RASGRF2: variants seen among roughly 807,000 people sequenced by gnomAD.
The protein encoded by RASGRF2 is ras-specific guanine nucleotide-releasing factor 2.
RASGRF2 carries 76 observed loss-of-function variants against 151.0 expected under a neutral mutation model. That is an observed-to-expected ratio of 0.50 (90% CI 0.42 to 0.61). The LOEUF is 0.61. Among genes scored for constraint, RASGRF2 ranks in the 20% least tolerant of loss-of-function variants. RASGRF2 has a pLI of 0.00. For synonymous variants in RASGRF2, 504 were observed against 566.5 expected (o/e 0.89, Z 1.57); for missense variants, 1,148 against 1,564.6 (o/e 0.73, Z 4.49).
chr5:81,007,861 A>G (rs1020770793), intron 1 of RASGRF2, among the ~76,000 whole-genome samples: 4 of 152,112 alleles, frequency 2.6e-5, no homozygotes, highest in African/African-American at 9.7e-5. Flanking sequence ...GCAGCTTCTC[A>G]TTTGGGAGGG....
rs559136539 is a variant in RASGRF2 at position 81,228,622 on chromosome 5, G to C, written c.*2852G>C. On this transcript the variant is annotated 3_prime_UTR_variant, in exon 27 of 27. Transcript: ENST00000265080. ...AAGAAAAATCCAATTTCATGCTTTC[G>C]AATGAATGCCCACATTTTGTACTGT... The C allele has an allele frequency of 6.6e-6, 1 of 152,156 alleles. No individual in the cohort carries two copies. The highest frequency in any genetic ancestry group is 2.1e-4 in the South Asian group (1 of 4,816). 9.4% of individuals were successfully genotyped at this position (152,156 alleles called of 1,614,324 possible).
chr5:81,157,346 AGTCT>A (rs1294239695), intron 17 of RASGRF2, among the ~76,000 whole-genome samples: 2 of 147,248 alleles, frequency 1.4e-5, no homozygotes, highest in Non-Finnish European at 3.0e-5. Flanking sequence ...ACAGAGTAAG[AGTCT>A]GTCTAAAAAA....
At chr5:81,002,205 A>G (rs963795471) in intron 1 of RASGRF2, among the ~76,000 whole-genome samples, 13 of 152,146 alleles carry the variant, frequency 8.5e-5, no homozygotes, top group Admixed American at 1.3e-4. Context: ...ATCCATTCCC[A>G]TTTATAGAGG....
At chr5:81,121,094 TTG>T (rs145805696) in intron 15 of RASGRF2, among the ~76,000 whole-genome samples, 2 of 151,202 alleles carry the variant, frequency 1.3e-5, no homozygotes, top group East Asian at 1.9e-4. Context: ...AGTCTGAAAG[TTG>T]TGTGTGTGTG....
At chr5:81,073,678 G>T (rs1751850790) in intron 5 of RASGRF2, among the ~76,000 whole-genome samples, 1 of 151,902 alleles carries the variant, frequency 6.6e-6, no homozygotes, top group South Asian at 2.1e-4. Context: ...GAGTGCAGTG[G>T]CACAATCTCG....
intron 15 of RASGRF2, among the ~76,000 whole-genome samples, chr5:81,123,283 C>T (rs1363705819): frequency 1.3e-5 from 2 of 152,086 alleles, no homozygotes; most frequent in African/African-American, 4.8e-5. Flanking sequence ...GATTTGTAAT[C>T]CCAATCTGAT....
chr5:81,193,682 A>C (rs1377528201), intron 18 of RASGRF2, among the ~76,000 whole-genome samples: 1 of 151,498 alleles, frequency 6.6e-6, no homozygotes, highest in East Asian at 1.9e-4. Context: ...TGCCCAGCTA[A>C]TTTTCGTATT....
intron 1 of RASGRF2, among the ~76,000 whole-genome samples, chr5:81,031,948 T>A (rs1262961064): frequency 1.3e-5 from 2 of 151,618 alleles, no homozygotes; most frequent in Non-Finnish European, 2.9e-5. Flanking sequence ...ATAGACACAA[T>A]AAAAAATGAT....
In RASGRF2 at chr5:81,112,736, G is replaced by A. The variant is rs142849177; in HGVS notation, c.1965G>A (p.Arg655=). Residue 655 remains arginine (R), a synonymous_variant, in exon 14 of 27, where the codon CGG becomes CGA. Transcript: ENST00000265080. ...ERLLERLTDL[R]FLSIDFLNTF... is the part of the protein sequence containing the mutation. ...TCTTGGAACGACTGACAGACTTGCG[G>A]TTTCTTAGTATTGATTTCCTCAACA... 7 of 1,614,046 alleles carry A rather than the reference G, an allele frequency of 4.3e-6. 1 individual carries two copies. In the Admixed American group the frequency reaches 1.2e-4, roughly 27 times the overall value.
Position 81,205,327 on chromosome 5 carries a change from G to A in RASGRF2, c.2907-1518G>A, listed in dbSNP as rs559272870. On this transcript the variant is annotated intron_variant, in intron 19 of 26. Transcript: ENST00000265080. ...TTCCCTGAGCCTGCTTAAGAGAAGC[G>A]CAGAGTAAAGGAAGGGCCCACAACC... Among the ~76,000 whole-genome samples the A allele has an allele frequency of 3.3e-5, 5 of 152,288 alleles. No homozygotes were observed. The East Asian group carries it at 5.8e-4, about 18-fold the overall frequency.
At chr5:81,110,968 T>C (rs2112539794) in intron 13 of RASGRF2, among the ~76,000 whole-genome samples, 1 of 152,328 alleles carries the variant, frequency 6.6e-6, no homozygotes, top group South Asian at 2.1e-4. Flanking sequence ...AGCTGCTCAT[T>C]GAAAATGCTC....
At chr5:81,009,993 T>C (rs1197894277) in intron 1 of RASGRF2, among the ~76,000 whole-genome samples, 2 of 151,936 alleles carry the variant, frequency 1.3e-5, no homozygotes, top group Non-Finnish European at 2.9e-5. Context: ...CTCGTTTCTA[T>C]GAAAATGCAA....
At chr5:81,038,099 C>A (rs1305362240) in intron 1 of RASGRF2, among the ~76,000 whole-genome samples, 3 of 152,018 alleles carry the variant, frequency 2.0e-5, no homozygotes, top group Non-Finnish European at 4.4e-5. Flanking sequence ...ACAGATATGC[C>A]TTGTAGTATT....
At chr5:81,075,106 G>C (rs1004012702) in intron 5 of RASGRF2, among the ~76,000 whole-genome samples, 3 of 152,202 alleles carry the variant, frequency 2.0e-5, no homozygotes, top group Non-Finnish European at 4.4e-5. Context: ...TAAACAGAGT[G>C]AGAGATGAGA....
chr5:81,122,733 T>A (rs932001335), intron 15 of RASGRF2, among the ~76,000 whole-genome samples: 1 of 152,226 alleles, frequency 6.6e-6, no homozygotes, highest in African/African-American at 2.4e-5. Context: ...TGTATTACAT[T>A]TTTGTGGTAT....
At chr5:81,072,899 G>A (rs1291365153) in intron 4 of RASGRF2, among the ~76,000 whole-genome samples, 1 of 152,174 alleles carries the variant, frequency 6.6e-6, no homozygotes, top group African/African-American at 2.4e-5. Flanking sequence ...GTGGTTGCAA[G>A]TAATGGCAGA....
At chr5:81,147,701 A>G (rs1050152866) in intron 17 of RASGRF2, among the ~76,000 whole-genome samples, 3 of 152,240 alleles carry the variant, frequency 2.0e-5, no homozygotes, top group Admixed American at 1.3e-4. Context: ...AATTATGTCT[A>G]GCATTTGAAT....
At chr5:81,174,675 AC>A (rs1396450004) in intron 17 of RASGRF2, among the ~76,000 whole-genome samples, 1 of 152,154 alleles carries the variant, frequency 6.6e-6, no homozygotes, top group Non-Finnish European at 1.5e-5. Flanking sequence ...TATATCAGTC[AC>A]TTTTAAACTT....
intron 1 of RASGRF2, among the ~76,000 whole-genome samples, chr5:81,002,071 C>T (rs1269083554): frequency 6.6e-6 from 1 of 152,176 alleles, no homozygotes; most frequent in Non-Finnish European, 1.5e-5. Flanking sequence ...AGCAGTGGTC[C>T]AGTTGGTGAA....
Sources: allele counts gnomAD v4.1 joint callset (sites outside exome capture counted in the v4.1 genomes callset), GRCh38; gene constraint gnomAD v4.1.1; transcripts MANE v1.5; gene names NCBI Gene and HGNC (gene_info 2026-07-23, HGNC 2026-07-21).